Variants in SLCO2B1 observed in about 807,000 individuals in gnomAD.
SLCO2B1 encodes the protein OATP-RP2.
A neutral mutation model predicts 67.3 loss-of-function variants in SLCO2B1; 41 were observed. The observed-to-expected ratio is 0.61, with a 90% CI of 0.47 to 0.79. The LOEUF is 0.79. Among genes scored for constraint, SLCO2B1 ranks in the 30% least tolerant of loss-of-function variants. The pLI, the probability that SLCO2B1 is intolerant of heterozygous loss-of-function variation, is 0.00. For missense variants in SLCO2B1, 837 were observed against 920.1 expected (o/e 0.91, Z 1.17); for synonymous variants, 379 against 381.4 (o/e 0.99, Z 0.07).
Position 75,193,382 on chromosome 11 carries a change from G to A in SLCO2B1, c.1240G>A (p.Gly414Ser), listed in dbSNP as rs111782322. ...ITASYANLLI[G>S]CLSFPSVIVG... is the part of the protein sequence containing the mutation. ...AGCCTCCTACGCCAACCTGCTCATC[G>A]GCTGCCTCTCCTTCCCTTCGGTCAT... The change falls in exon 9 of 14, where the codon GGC becomes AGC. Residue 414 changes from glycine to serine, a missense_variant. Coordinates refer to ENST00000289575, the MANE Select transcript of SLCO2B1 (RefSeq NM_007256.5). The surrounding 1 kb of genome is among the most constrained non-coding windows in gnomAD (Gnocchi z 4.2). 157 of 1,613,996 alleles carry A rather than the reference G, an allele frequency of 9.7e-5. No homozygotes were observed. Among genetic ancestry groups the A allele is most frequent in the Non-Finnish European group, 1.1e-4 (134 of 1,180,040 alleles).
At chr11:75,181,693 G>A (rs912785811) in intron 7 of SLCO2B1, among the ~76,000 whole-genome samples, 1 of 152,160 alleles carries the variant, frequency 6.6e-6, no homozygotes, top group Non-Finnish European at 1.5e-5. Flanking sequence ...CCTTCCATGG[G>A]CTGAGCTACA....
intron 3 of SLCO2B1, 106 bp from the exon 4 acceptor site, chr11:75,165,681 C>G: frequency 8.0e-7 from 1 of 1,253,056 alleles, no homozygotes; most frequent in Non-Finnish European, 1.1e-6. Context: ...TTATTCAGTC[C>G]ATTATTCAGA....
chr11:75,197,629 CTG>C (rs1310288445), intron 10 of SLCO2B1, among the ~76,000 whole-genome samples: 3 of 152,186 alleles, frequency 2.0e-5, no homozygotes, highest in Non-Finnish European at 4.4e-5. Context: ...AAGTTCAGAT[CTG>C]TGTTTGATCA....
rs1341724153 is a variant in SLCO2B1 at position 75,151,293 on chromosome 11, G to A, written c.-89G>A. Reference sequence around the variant, plus strand: ...GGCTCACCTGCTGCTGTCTCCAGGAGCCCCTGAGAAGATTTGCTTCCTCTC... The same window carrying A: ...GGCTCACCTGCTGCTGTCTCCAGGAACCCCTGAGAAGATTTGCTTCCTCTC... On this transcript the variant is annotated 5_prime_UTR_variant, in exon 1 of 14. Transcript: ENST00000289575. The A allele has an allele frequency of 8.2e-7, 1 of 1,218,068 alleles. No homozygotes were observed. Among genetic ancestry groups the A allele is most frequent in the Non-Finnish European group, 1.2e-6 (1 of 839,308 alleles). 75.5% of individuals were successfully genotyped at this position (1,218,068 alleles called of 1,614,324 possible).
chr11:75,193,330 G>C lies in SLCO2B1; in HGVS notation c.1188G>C (p.Lys396Asn). ...MAAGMATFLPKFLERQFSITA... is the reference protein window; with the variant it reads ...MAAGMATFLPNFLERQFSITA... Reference sequence around the variant, plus strand: ...CGGGCATGGCCACCTTCCTGCCCAAGTTCCTGGAGCGCCAGTTTTCCATCA... The same window carrying C: ...CGGGCATGGCCACCTTCCTGCCCAACTTCCTGGAGCGCCAGTTTTCCATCA... Residue 396 changes from lysine to asparagine, a missense_variant, in exon 9 of 14, where the codon AAG (lysine) becomes AAC (asparagine). Transcript: ENST00000289575. This position sits in a 1 kb window ranked among gnomAD's most constrained non-coding sequence, Gnocchi z 4.2. 1 of 1,614,160 alleles carries C rather than the reference G, an allele frequency of 6.2e-7. No individual in the cohort carries two copies. The highest frequency in any genetic ancestry group is 1.3e-5 in the African/African-American group (1 of 75,056).
chr11:75,188,127 C>T lies in SLCO2B1; in HGVS notation c.973-9C>T, dbSNP rs558596053. 2.2e-5 allele frequency: 35 copies of T among 1,605,210 alleles called. No homozygotes were observed. The South Asian group carries it at 3.3e-4, about 15-fold the overall frequency. On this transcript the variant is annotated splice_polypyrimidine_tract_variant and intron_variant, in intron 7 of 13. Coordinates refer to ENST00000289575, the MANE Select transcript of SLCO2B1 (RefSeq NM_007256.5). Reference sequence around the variant, plus strand: ...CAGCGGACTGTCCTTGGTTTTGTGTCTCCTTCAGGGCAAGGACTCTCCCTC... The same window carrying T: ...CAGCGGACTGTCCTTGGTTTTGTGTTTCCTTCAGGGCAAGGACTCTCCCTC...
At position 75,193,458 on chromosome 11, in the gene SLCO2B1, C is replaced by G. The variant is rs1945056077; in HGVS notation, c.1316C>G (p.Pro439Arg). The G allele has an allele frequency of 1.2e-6, 2 of 1,612,534 alleles. No individual in the cohort carries two copies. The highest frequency in any genetic ancestry group is 1.7e-5 in the Admixed American group (1 of 59,958). Residue 439 changes from proline (P) to arginine (R), a missense_variant, in exon 9 of 14, where the codon CCT becomes CGT. By Grantham distance (103) the Pro-to-Arg change is moderately radical. Coordinates refer to ENST00000289575, the MANE Select transcript of SLCO2B1 (RefSeq NM_007256.5). The surrounding 1 kb of genome is among the most constrained non-coding windows in gnomAD (Gnocchi z 4.2). Reference protein sequence around the residue: ...GVLVKRLHLGPVGCGALCLLG... With the variant: ...GVLVKRLHLGRVGCGALCLLG... ...CTGGTCAAGCGGCTCCACCTGGGCC[C>G]TGTGGGATGCGGTGCCCTTTGCCTG...
chr11:75,190,818 G>A (rs962068616), intron 8 of SLCO2B1, among the ~76,000 whole-genome samples: 1 of 152,166 alleles, frequency 6.6e-6, no homozygotes, highest in Non-Finnish European at 1.5e-5. Flanking sequence ...GGAAGACAGA[G>A]TCACTGACTT....
intron 7 of SLCO2B1, among the ~76,000 whole-genome samples, chr11:75,176,286 C>T (rs931514289): frequency 7.9e-5 from 12 of 152,166 alleles, no homozygotes; most frequent in African/African-American, 2.7e-4. Flanking sequence ...ACAACCTGCC[C>T]TTGGGACTGG....
intron 7 of SLCO2B1, among the ~76,000 whole-genome samples, chr11:75,182,919 G>A (rs959511515): frequency 1.3e-5 from 2 of 150,902 alleles, no homozygotes; most frequent in African/African-American, 2.5e-5. Context: ...TCCCCAGGCT[G>A]TTCTCCTGCT....
chr11:75,177,362 A>C (rs570819044), intron 7 of SLCO2B1, among the ~76,000 whole-genome samples: 2 of 152,300 alleles, frequency 1.3e-5, no homozygotes, highest in South Asian at 4.1e-4. Context: ...GAAGGGATGA[A>C]AGGTAGCTGA....
At position 75,193,667 on chromosome 11, in the gene SLCO2B1, C is replaced by A. The variant is rs1945060740; in HGVS notation, c.1433+92C>A. 8.6e-7 allele frequency: 1 copy of A among 1,167,036 alleles called. No individual in the cohort carries two copies. The allele number at this position is 1,167,036 out of a possible 1,614,324, so 72.3% of individuals were successfully genotyped here. A position where few individuals can be genotyped will look rare whatever the true frequency, so the allele number is the denominator to read the frequency against. ...GGCAGAGGCCAGGATGGCAGGGCAA[C>A]CCCTGCCTCAAATCTTGCCTCCCCA... On this transcript the variant is annotated intron_variant, in intron 9 of 13. Transcript: ENST00000289575. The surrounding 1 kb of genome is among the most constrained non-coding windows in gnomAD (Gnocchi z 4.2).
intron 2 of SLCO2B1, among the ~76,000 whole-genome samples, chr11:75,163,711 G>A (rs1270765157): frequency 6.6e-6 from 1 of 151,954 alleles, no homozygotes; most frequent in Non-Finnish European, 1.5e-5. Context: ...AGTTACACCA[G>A]TAACCATCTC....
intron 3 of SLCO2B1, 152 bp downstream of exon 3, chr11:75,164,252 G>A: frequency 1.2e-6 from 1 of 840,182 alleles, no homozygotes; most frequent in South Asian, 1.8e-5. Flanking sequence ...AAACCTCAGA[G>A]CGTTTGCAGC....
At chr11:75,168,144 C>T (rs1209764596) in intron 4 of SLCO2B1, among the ~76,000 whole-genome samples, 5 of 152,120 alleles carry the variant, frequency 3.3e-5, no homozygotes, top group Non-Finnish European at 7.4e-5. Flanking sequence ...CCACCCTGCT[C>T]GGCCTCCCAA....
intron 9 of SLCO2B1, chr11:75,196,303 G>A: frequency 3.5e-6 from 2 of 567,812 alleles, no homozygotes; most frequent in South Asian, 2.2e-5. Context: ...TCAAAGGCTT[G>A]TAGGATTGAG....
chr11:75,159,929 G>A (rs1850678571), intron 1 of SLCO2B1: 1 of 909,458 alleles, frequency 1.1e-6, no homozygotes, highest in Non-Finnish European at 1.3e-6. Flanking sequence ...TGAGTGGGCA[G>A]GTGAGAGGCC....
intron 1 of SLCO2B1, among the ~76,000 whole-genome samples, chr11:75,157,595 T>G (rs1278762384): frequency 6.6e-6 from 1 of 152,164 alleles, no homozygotes; most frequent in Non-Finnish European, 1.5e-5. Flanking sequence ...TGGGCCCGAT[T>G]GCCTCAGATG....
At chr11:75,169,481 G>T in intron 5 of SLCO2B1, 75 bp downstream of exon 5, 1 of 1,401,104 alleles carries the variant, frequency 7.1e-7, no homozygotes. Context: ...ACCCAGGGTT[G>T]GGGCTGGAGA....
Sources: allele counts gnomAD v4.1 joint callset (sites outside exome capture counted in the v4.1 genomes callset), GRCh38; gene constraint gnomAD v4.1.1; non-coding constraint Gnocchi (gnomAD v3.1); transcripts MANE v1.5; gene names NCBI Gene and HGNC (gene_info 2026-07-23, HGNC 2026-07-21).